Variants in DPYSL5 observed in about 807,000 individuals in gnomAD.
The protein encoded by DPYSL5 is dihydropyrimidinase like 5, also known as dihydropyrimidinase-related protein 5.
DPYSL5 carries 9 observed loss-of-function variants against 58.4 expected under a neutral mutation model. The observed-to-expected ratio is 0.15, with a 90% CI of 0.09 to 0.27. The LOEUF (loss-of-function observed/expected upper bound fraction) is 0.27. Among genes scored for constraint, DPYSL5 ranks in the 10% least tolerant of loss-of-function variants. The pLI is 1.00. For synonymous variants in DPYSL5, 293 were observed against 301.9 expected (o/e 0.97, Z 0.31); for missense variants, 499 against 770.6 (o/e 0.65, Z 4.17).
chr2:26,903,611 G>A (rs1210830703), intron 2 of DPYSL5, among the ~76,000 whole-genome samples: 7 of 152,140 alleles, frequency 4.6e-5, no homozygotes, highest in Admixed American at 2.0e-4. Context: ...TTGCCCATCC[G>A]ACCCTCACCT....
intron 3 of DPYSL5, among the ~76,000 whole-genome samples, chr2:26,926,265 C>T (rs1007223440): frequency 3.9e-5 from 6 of 152,128 alleles, no homozygotes; most frequent in Non-Finnish European, 5.9e-5. Flanking sequence ...GTGCAGATCA[C>T]GCTGAATGTC....
At chr2:26,923,546 C>T (rs553660209) in intron 2 of DPYSL5, among the ~76,000 whole-genome samples, 2 of 152,266 alleles carry the variant, frequency 1.3e-5, no homozygotes, top group South Asian at 4.1e-4. Flanking sequence ...GGGACTTGAA[C>T]GTGGAGCCGT....
At chr2:26,926,439 T>C (rs1664831581) in intron 3 of DPYSL5, among the ~76,000 whole-genome samples, 1 of 152,210 alleles carries the variant, frequency 6.6e-6, no homozygotes. Flanking sequence ...CCTAATTTCC[T>C]GGAGCTTATG....
At chr2:26,903,858 G>A (rs1664222029) in intron 2 of DPYSL5, among the ~76,000 whole-genome samples, 1 of 152,212 alleles carries the variant, frequency 6.6e-6, no homozygotes, top group Admixed American at 6.5e-5. Context: ...CTGTACCTAT[G>A]GCAATCGTCA....
At position 26,925,201 on chromosome 2, in the gene DPYSL5, A is replaced by T. The variant is rs1664799620; in HGVS notation, c.420+156A>T. Among the ~76,000 whole-genome samples the T allele has an allele frequency of 6.6e-6, 1 of 152,162 alleles. No individual in the cohort carries two copies. ...AAAGAAAACACACTTGGGATTCCAT[A>T]AGGGGAGCGGATGGGCTTGTGCTGC... On this transcript the variant is annotated intron_variant, in intron 3 of 12. Coordinates refer to ENST00000288699, the MANE Select transcript of DPYSL5 (RefSeq NM_020134.4). This position sits in a 1 kb window ranked among gnomAD's most constrained non-coding sequence, Gnocchi z 4.5.
chr2:26,930,705 TG>T (rs1178128795), intron 5 of DPYSL5, among the ~76,000 whole-genome samples: 1 of 152,104 alleles, frequency 6.6e-6, no homozygotes, highest in African/African-American at 2.4e-5. Context: ...CCGGGCATGG[TG>T]GCTCACACCT....
At chr2:26,928,094 G>T (rs973645622) in intron 4 of DPYSL5, among the ~76,000 whole-genome samples, 161 bp from the exon 5 acceptor site, 2 of 152,224 alleles carry the variant, frequency 1.3e-5, no homozygotes, top group Admixed American at 1.3e-4. Flanking sequence ...GCCTGTGCAT[G>T]CTCTGCCTTC....
At chr2:26,876,038 T>G (rs1663400926) in intron 1 of DPYSL5, among the ~76,000 whole-genome samples, 1 of 152,232 alleles carries the variant, frequency 6.6e-6, no homozygotes, top group South Asian at 2.1e-4. Context: ...TTTCCTCTTT[T>G]TCTTTAGGTG....
intron 2 of DPYSL5, among the ~76,000 whole-genome samples, chr2:26,917,965 G>A (rs914483085): frequency 2.0e-5 from 3 of 151,732 alleles, no homozygotes; most frequent in Non-Finnish European, 4.4e-5. Context: ...GTGAAATCCC[G>A]TCTTTACTAA....
intron 2 of DPYSL5, among the ~76,000 whole-genome samples, chr2:26,900,253 C>G (rs1475049223): frequency 2.0e-5 from 3 of 152,174 alleles, no homozygotes; most frequent in African/African-American, 4.8e-5. Context: ...TTTTAAATAA[C>G]AGCTTAATCG....
At chr2:26,932,189 A>C (rs4665928) in intron 6 of DPYSL5, among the ~76,000 whole-genome samples, 3,265 of 71,850 alleles carry the variant, frequency 0.045, 103 homozygotes, top group African/African-American at 0.067. Flanking sequence ...GAAAGAAAGA[A>C]AGAAAGAAAG....
In DPYSL5 at chr2:26,898,793, C is replaced by G; in HGVS notation, c.261+33C>G. The G allele has an allele frequency of 1.3e-6, 2 of 1,575,426 alleles. No individual in the cohort carries two copies. Among genetic ancestry groups the G allele is most frequent in the Non-Finnish European group, 1.7e-6 (2 of 1,158,646 alleles). Reference sequence around the variant, plus strand: ...TCCTGTTTGCCAAAGGTGGCTTCCTCTTTGGCTTTTTTATTCTGCTTCTAG... The same window carrying G: ...TCCTGTTTGCCAAAGGTGGCTTCCTGTTTGGCTTTTTTATTCTGCTTCTAG... On this transcript the variant is annotated intron_variant, in intron 2 of 12. Coordinates refer to ENST00000288699, the MANE Select transcript of DPYSL5 (RefSeq NM_020134.4). This position sits in a 1 kb window ranked among gnomAD's most constrained non-coding sequence, Gnocchi z 6.1.
chr2:26,932,377 C>A (rs1665056724), intron 6 of DPYSL5, among the ~76,000 whole-genome samples: 1 of 152,212 alleles, frequency 6.6e-6, no homozygotes, highest in South Asian at 2.1e-4. Flanking sequence ...GCTTTCCATT[C>A]CACCCCGCCG....
At position 26,869,786 on chromosome 2, in the gene DPYSL5, C is replaced by T. The variant is rs1033071827; in HGVS notation, c.-5+21532C>T. 3.9e-5 allele frequency among the ~76,000 whole-genome samples: 6 copies of T among 152,050 alleles called. No individual in the cohort carries two copies. In the South Asian group the frequency reaches 1.3e-3, roughly 32 times the overall value. On this transcript the variant is annotated intron_variant, in intron 1 of 12. Coordinates refer to ENST00000288699, the MANE Select transcript of DPYSL5 (RefSeq NM_020134.4). ...CAGCACTTTGGGAGGCTGAGGTGGG[C>T]GGATCACGAAGTCAGGAGATCGAGA...
chr2:26,912,683 A>G (rs2148148203), intron 2 of DPYSL5, among the ~76,000 whole-genome samples: 1 of 152,326 alleles, frequency 6.6e-6, no homozygotes, highest in South Asian at 2.1e-4. Context: ...CCGGCTCCGT[A>G]CTGTGGCTTT....
At chr2:26,860,632 C>G (rs1572671571) in intron 1 of DPYSL5, among the ~76,000 whole-genome samples, 1 of 152,154 alleles carries the variant, frequency 6.6e-6, no homozygotes, top group African/African-American at 2.4e-5. Flanking sequence ...TAGACATGAC[C>G]TATCATTGGA....
At chr2:26,863,639 A>G (rs371765109) in intron 1 of DPYSL5, among the ~76,000 whole-genome samples, 1 of 152,188 alleles carries the variant, frequency 6.6e-6, no homozygotes, top group South Asian at 2.1e-4. Context: ...TTGTGTAGTC[A>G]TCACCATAGT....
At chr2:26,928,082 C>T (rs925006373) in intron 4 of DPYSL5, among the ~76,000 whole-genome samples, 173 bp from the exon 5 acceptor site, 5 of 152,170 alleles carry the variant, frequency 3.3e-5, no homozygotes, top group East Asian at 1.9e-4. Flanking sequence ...ACTGCATGGG[C>T]GGCCTGTGCA....
chr2:26,892,784 AG>A, intron 1 of DPYSL5, among the ~76,000 whole-genome samples: 1 of 152,056 alleles, frequency 6.6e-6, no homozygotes, highest in East Asian at 1.9e-4. Flanking sequence ...AGAGAGAGAG[AG>A]AGAGAGAGAA....
Sources: gnomAD v4.1 joint callset for allele counts (sites outside exome capture counted in the v4.1 genomes callset) on GRCh38, gnomAD v4.1.1 for gene constraint, Gnocchi (gnomAD v3.1) non-coding constraint, MANE v1.5 for transcripts, NCBI Gene and HGNC (gene_info 2026-07-23, HGNC 2026-07-21) for gene names.